Variants in RAP1GDS1 observed in about 807,000 individuals in gnomAD.
The protein encoded by RAP1GDS1 is RAP1, GTP-GDP dissociation stimulator 1.
Under a neutral mutation model 71.1 loss-of-function variants are expected in RAP1GDS1, and 35 were observed. The ratio of observed to expected loss-of-function variants is 0.49; its 90% CI spans 0.38 to 0.65. The LOEUF (loss-of-function observed/expected upper bound fraction) is 0.65. RAP1GDS1 is among the 30% of genes least tolerant of loss of function. The pLI is 0.00. For synonymous variants in RAP1GDS1, 229 were observed against 243.1 expected, an observed-to-expected ratio of 0.94 and a Z score of 0.54; for missense variants, 663 against 706.1, an observed-to-expected ratio of 0.94 and a Z score of 0.69.
At chr4:98,395,127 A>G (rs1193383045) in intron 6 of RAP1GDS1, among the ~76,000 whole-genome samples, 1 of 152,188 alleles carries the variant, frequency 6.6e-6, no homozygotes, top group African/African-American at 2.4e-5. Context: ...TTCTTGATGT[A>G]CATTCTTTTT....
intron 6 of RAP1GDS1, 65 bp from the exon 7 acceptor site, chr4:98,404,412 T>C: frequency 7.1e-7 from 1 of 1,417,294 alleles, no homozygotes; most frequent in Non-Finnish European, 9.6e-7. Context: ...TAACTAAGTA[T>C]TGAAAGTATT....
At chr4:98,350,488 C>G (rs545657606) in intron 3 of RAP1GDS1, among the ~76,000 whole-genome samples, 2 of 152,208 alleles carry the variant, frequency 1.3e-5, no homozygotes, top group South Asian at 4.2e-4. Flanking sequence ...GGGAGGATCA[C>G]TTGAGCCTAG....
chr4:98,436,360 A>G (rs1019284427), intron 13 of RAP1GDS1, among the ~76,000 whole-genome samples: 1 of 152,166 alleles, frequency 6.6e-6, no homozygotes, highest in Non-Finnish European at 1.5e-5. Flanking sequence ...TACTGGATGG[A>G]GGAATTCCTC....
At chr4:98,369,102 A>T (rs1159453897) in intron 4 of RAP1GDS1, among the ~76,000 whole-genome samples, 1 of 152,118 alleles carries the variant, frequency 6.6e-6, no homozygotes, top group Non-Finnish European at 1.5e-5. Flanking sequence ...GCCCTTTATA[A>T]AACCATCTGA....
Position 98,379,122 on chromosome 4 carries a change from C to CT in RAP1GDS1, c.468dup (p.Val157CysfsTer10), listed in dbSNP as rs762985523. ...GATCCCGCCAATGAGAAGCTCTTGA[C>CT]TGTCTTTTGTGGCATGCTGATGAAC... On this transcript the variant is annotated frameshift_variant, in exon 5 of 15. Coordinates refer to ENST00000408927, the MANE Select transcript of RAP1GDS1 (RefSeq NM_001100427.2). LOFTEE classifies it high-confidence loss of function. 1 of 1,609,734 alleles carries CT rather than the reference C, an allele frequency of 6.2e-7. No individual in the cohort carries two copies. The highest frequency in any genetic ancestry group is 1.7e-5 in the Admixed American group (1 of 59,384).
At chr4:98,405,778 T>C (rs1746027327) in intron 7 of RAP1GDS1, among the ~76,000 whole-genome samples, 1 of 151,932 alleles carries the variant, frequency 6.6e-6, no homozygotes, top group Non-Finnish European at 1.5e-5. Flanking sequence ...GTTATAAATG[T>C]GGTTTGTCAG....
chr4:98,380,366 A>G (rs1328468673), intron 5 of RAP1GDS1, among the ~76,000 whole-genome samples: 1 of 151,830 alleles, frequency 6.6e-6, no homozygotes, highest in Non-Finnish European at 1.5e-5. Context: ...CATATTTTTA[A>G]TACTATAGAA....
intron 2 of RAP1GDS1, among the ~76,000 whole-genome samples, chr4:98,308,391 G>A (rs534752141): frequency 6.9e-6 from 1 of 144,128 alleles, no homozygotes; most frequent in East Asian, 2.1e-4. Context: ...TGATGCTCAA[G>A]CATAGAAGTT....
In RAP1GDS1 at chr4:98,417,393, G is replaced by A; in HGVS notation, c.934G>A (p.Gly312Arg). The A allele has an allele frequency of 6.2e-7, 1 of 1,612,592 alleles. No homozygotes were observed. Among genetic ancestry groups the A allele is most frequent in the South Asian group, 1.1e-5 (1 of 90,958 alleles). Residue 312 changes from glycine (G) to arginine (R), a missense_variant, in exon 9 of 15, where the codon GGA (glycine) becomes AGA (arginine). Physicochemically the swap from Gly to Arg is moderately radical, Grantham distance 125. Coordinates refer to ENST00000408927, the MANE Select transcript of RAP1GDS1 (RefSeq NM_001100427.2). ...TGAATCCATGCAGAAGTTATTTGAA[G>A]GAGGAAAAGGTAGTGTATTTCAAAG... is the stretch of plus-strand genomic sequence containing the variant. ...GDESMQKLFEGGKGSVFQRVL... is the reference protein window; with the variant it reads ...GDESMQKLFERGKGSVFQRVL...
At chr4:98,441,276 G>C (rs1422599245) in intron 14 of RAP1GDS1, 8 of 915,228 alleles carry the variant, frequency 8.7e-6, no homozygotes, top group Non-Finnish European at 1.0e-5. Flanking sequence ...CCATATAACA[G>C]TTCTCAGAGT....
intron 2 of RAP1GDS1, chr4:98,296,843 A>G (rs1560790461): frequency 1.2e-5 from 4 of 345,424 alleles, no homozygotes; most frequent in Non-Finnish European, 1.7e-5. Flanking sequence ...ATTAGTTTAA[A>G]TTAAAGTCCC....
chr4:98,359,454 T>C (rs2110437822), intron 4 of RAP1GDS1, among the ~76,000 whole-genome samples: 1 of 152,320 alleles, frequency 6.6e-6, no homozygotes, highest in Non-Finnish European at 1.5e-5. Flanking sequence ...TTTCTGGGTA[T>C]AGTTCTGTCT....
At chr4:98,348,335 A>G (rs898083343) in intron 3 of RAP1GDS1, among the ~76,000 whole-genome samples, 3 of 152,122 alleles carry the variant, frequency 2.0e-5, no homozygotes, top group Admixed American at 2.0e-4. Flanking sequence ...CATGGTGTAT[A>G]TGTGCCACAT....
intron 7 of RAP1GDS1, among the ~76,000 whole-genome samples, chr4:98,413,165 A>T (rs1183490415): frequency 1.3e-5 from 2 of 152,200 alleles, no homozygotes; most frequent in East Asian, 1.9e-4. Flanking sequence ...ATACTCCCAG[A>T]GCGGCCATTT....
chr4:98,354,954 T>C (rs1344926984), intron 4 of RAP1GDS1, among the ~76,000 whole-genome samples: 1 of 152,206 alleles, frequency 6.6e-6, no homozygotes, highest in Admixed American at 6.5e-5. Flanking sequence ...ATGCATATAA[T>C]TTCCATAGAC....
chr4:98,364,734 T>C (rs559858848), intron 4 of RAP1GDS1, among the ~76,000 whole-genome samples: 1 of 151,018 alleles, frequency 6.6e-6, no homozygotes, highest in South Asian at 2.1e-4. Context: ...AAAAAAAAAG[T>C]ATGATGTGAG....
At chr4:98,393,082 G>C (rs77592509) in intron 6 of RAP1GDS1, among the ~76,000 whole-genome samples, 1 of 152,064 alleles carries the variant, frequency 6.6e-6, no homozygotes, top group Admixed American at 6.5e-5. Flanking sequence ...TATGGGCATA[G>C]TGAAATGAAA....
intron 5 of RAP1GDS1, 95 bp from the exon 6 acceptor site, chr4:98,391,857 C>T (rs919497941): frequency 1.7e-6 from 2 of 1,201,030 alleles, no homozygotes; most frequent in Non-Finnish European, 2.2e-6. Flanking sequence ...CTTTGAGTTT[C>T]CAATAGGGAA....
chr4:98,290,695 G>A (rs935097840), intron 1 of RAP1GDS1, among the ~76,000 whole-genome samples: 1 of 152,074 alleles, frequency 6.6e-6, no homozygotes, highest in Non-Finnish European at 1.5e-5. Flanking sequence ...AGAGACTTTT[G>A]AGAAATGCGA....
Sources: gnomAD v4.1 joint callset for allele counts (sites outside exome capture counted in the v4.1 genomes callset) on GRCh38, gnomAD v4.1.1 for gene constraint, MANE v1.5 for transcripts, NCBI Gene and HGNC (gene_info 2026-07-23, HGNC 2026-07-21) for gene names.